ANO10: variants seen among roughly 807,000 people sequenced by gnomAD.
ANO10 encodes the protein anoctamin 10, also known as anoctamin-10.
A neutral mutation model predicts 74.7 loss-of-function variants in ANO10; 77 were observed. That is an observed-to-expected ratio of 1.03 (90% CI 0.86 to 1.25). The LOEUF (loss-of-function observed/expected upper bound fraction) is 1.25, where lower values mean the gene tolerates loss of function less well. ANO10 is among the 50% of genes most tolerant of loss of function. The pLI is 0.00. For missense variants in ANO10, 721 were observed against 778.1 expected (o/e 0.93, Z 0.87); for synonymous variants, 279 against 284.9 (o/e 0.98, Z 0.21).
intron 12 of ANO10, among the ~76,000 whole-genome samples, chr3:43,413,482 C>T (rs769052608): frequency 1.3e-4 from 19 of 151,864 alleles, no homozygotes; most frequent in Non-Finnish European, 2.5e-4. Flanking sequence ...CGCTCCCTCT[C>T]AGTCCTGCTT....
chr3:43,677,817 G>A (rs962349047), intron 1 of ANO10, among the ~76,000 whole-genome samples: 1 of 152,226 alleles, frequency 6.6e-6, no homozygotes, highest in African/African-American at 2.4e-5. Flanking sequence ...TTAGGAGAGG[G>A]AATAGATGAA....
At chr3:43,406,184 CCAT>C (rs1430306041) in intron 12 of ANO10, among the ~76,000 whole-genome samples, 1 of 152,190 alleles carries the variant, frequency 6.6e-6, no homozygotes, top group Non-Finnish European at 1.5e-5. Context: ...CCACTCCGTG[CCAT>C]CTTCCAGCAC....
At chr3:43,637,446 G>T (rs1276836745) in intron 1 of ANO10, among the ~76,000 whole-genome samples, 1 of 152,044 alleles carries the variant, frequency 6.6e-6, no homozygotes, top group Non-Finnish European at 1.5e-5. Context: ...TCCAGCCTGG[G>T]CAACAGAGCG....
At chr3:43,448,697 T>C (rs974327704) in intron 11 of ANO10, among the ~76,000 whole-genome samples, 3 of 152,218 alleles carry the variant, frequency 2.0e-5, no homozygotes, top group Admixed American at 2.0e-4. Flanking sequence ...TTCAACCCAT[T>C]TGGGTAAATA....
chr3:43,460,919 A>G (rs929992866), intron 11 of ANO10, among the ~76,000 whole-genome samples: 10 of 152,192 alleles, frequency 6.6e-5, no homozygotes, highest in Non-Finnish European at 1.5e-4. Flanking sequence ...ATGATTGTCA[A>G]AATGAAAACT....
chr3:43,428,326 A>G (rs534364153), intron 12 of ANO10, among the ~76,000 whole-genome samples: 53 of 152,242 alleles, frequency 3.5e-4, no homozygotes, highest in South Asian at 1.0e-3. Flanking sequence ...CTGGGATTAC[A>G]GGCGTGAACC....
chr3:43,580,838 T>G (rs1048140858), intron 4 of ANO10, among the ~76,000 whole-genome samples: 2 of 152,138 alleles, frequency 1.3e-5, no homozygotes, highest in Non-Finnish European at 2.9e-5. Flanking sequence ...TAAAATCATT[T>G]TATACACACT....
At chr3:43,390,205 C>T (rs1428930108) in intron 12 of ANO10, among the ~76,000 whole-genome samples, 2 of 152,226 alleles carry the variant, frequency 1.3e-5, no homozygotes. Context: ...AGCCACCAAA[C>T]TGACACACCT....
At chr3:43,667,184 G>A (rs770696813) in intron 1 of ANO10, among the ~76,000 whole-genome samples, 40 of 148,330 alleles carry the variant, frequency 2.7e-4, no homozygotes, top group Non-Finnish European at 5.0e-4. Context: ...TTTGCCTCCT[G>A]GGTTCAAGCA....
chr3:43,553,335 C>T (rs869045734), intron 10 of ANO10, among the ~76,000 whole-genome samples: 1 of 152,090 alleles, frequency 6.6e-6, no homozygotes, highest in Non-Finnish European at 1.5e-5. Context: ...CTTGAATCTG[C>T]AGTTTTGGGT....
At chr3:43,671,190 G>C (rs2084054938) in intron 1 of ANO10, among the ~76,000 whole-genome samples, 1 of 151,988 alleles carries the variant, frequency 6.6e-6, no homozygotes, top group Non-Finnish European at 1.5e-5. Flanking sequence ...ACTACAACTT[G>C]GTCAACAAAA....
intron 12 of ANO10, among the ~76,000 whole-genome samples, chr3:43,373,696 G>A (rs574123131): frequency 6.6e-6 from 1 of 152,274 alleles, no homozygotes; most frequent in South Asian, 2.1e-4. Context: ...CCATCCCCAG[G>A]CACACACTCA....
chr3:43,487,646 T>G (rs916394993), intron 11 of ANO10, among the ~76,000 whole-genome samples: 1 of 152,190 alleles, frequency 6.6e-6, no homozygotes, highest in African/African-American at 2.4e-5. Context: ...GGATCGGTGG[T>G]GATATCCCCT....
chr3:43,435,114 C>G (rs1362917711), intron 11 of ANO10, among the ~76,000 whole-genome samples: 1 of 152,234 alleles, frequency 6.6e-6, no homozygotes, highest in African/African-American at 2.4e-5. Flanking sequence ...CCTAAACTCA[C>G]CTCGTCCTGA....
chr3:43,438,017 G>T (rs1298608186), intron 11 of ANO10, among the ~76,000 whole-genome samples: 1 of 152,054 alleles, frequency 6.6e-6, no homozygotes, highest in Non-Finnish European at 1.5e-5. Flanking sequence ...AGCTATAAGA[G>T]GTCACAGGCA....
chr3:43,638,494 A>G (rs140015782), intron 1 of ANO10, among the ~76,000 whole-genome samples: 91 of 152,374 alleles, frequency 6.0e-4, no homozygotes, highest in African/African-American at 2.0e-3. Flanking sequence ...TCAATGGGAT[A>G]TAGATGGGAT....
Position 43,494,409 on chromosome 3 carries a change from C to T in ANO10, c.1797+55311G>A, listed in dbSNP as rs566357793. ...CGGAGGTTGCAGTGAGCTGAGATTGCGCCATTGCACTCTAGCCTGGGCAAC... is the reference window on the plus strand; with the variant it reads ...CGGAGGTTGCAGTGAGCTGAGATTGTGCCATTGCACTCTAGCCTGGGCAAC... On this transcript the variant is annotated intron_variant, in intron 11 of 12. Transcript: ENST00000292246. Among the ~76,000 whole-genome samples the T allele has an allele frequency of 3.2e-4, 49 of 152,072 alleles. 1 individual carries two copies. Among genetic ancestry groups the T allele is most frequent in the Non-Finnish European group, 5.6e-4 (38 of 67,972 alleles).
At chr3:43,651,067 G>C (rs2083781594) in intron 1 of ANO10, among the ~76,000 whole-genome samples, 1 of 152,064 alleles carries the variant, frequency 6.6e-6, no homozygotes, top group African/African-American at 2.4e-5. Context: ...TTATACAAAA[G>C]CTGTTTTCCA....
At chr3:43,404,129 T>G (rs1315415354) in intron 12 of ANO10, among the ~76,000 whole-genome samples, 3 of 152,176 alleles carry the variant, frequency 2.0e-5, no homozygotes, top group Non-Finnish European at 4.4e-5. Context: ...TGGGCCAGAC[T>G]TAGTAAGTGA....
Sources: gnomAD v4.1 joint callset for allele counts (sites outside exome capture counted in the v4.1 genomes callset) on GRCh38, gnomAD v4.1.1 for gene constraint, MANE v1.5 for transcripts, NCBI Gene and HGNC (gene_info 2026-07-23, HGNC 2026-07-21) for gene names.